KCNU1: variants seen among roughly 807,000 people sequenced by gnomAD.
KCNU1 encodes the protein potassium channel subfamily U member 1.
KCNU1 carries 93 observed loss-of-function variants against 126.8 expected under a neutral mutation model. The ratio of observed to expected loss-of-function variants is 0.73; its 90% CI spans 0.62 to 0.87. The LOEUF (loss-of-function observed/expected upper bound fraction) is 0.87. Ranked by LOEUF, KCNU1 falls within the 40% of genes least tolerant of loss-of-function variation. The probability of loss-of-function intolerance (pLI) is 0.00; values close to 1 mark genes in which losing one functional copy is unlikely to be tolerated. For synonymous variants in KCNU1, 523 were observed against 494.2 expected (o/e 1.06, Z -0.77); for missense variants, 1,330 against 1,367.1 (o/e 0.97, Z 0.43).
intron 10 of KCNU1, among the ~76,000 whole-genome samples, chr8:36,829,765 C>T (rs960354152): frequency 4.6e-5 from 7 of 151,120 alleles, no homozygotes; most frequent in Non-Finnish European, 1.0e-4. Context: ...TGGGTTTATT[C>T]ATTTATTTAG....
At chr8:36,808,166 T>G (rs1803575820) in intron 6 of KCNU1, among the ~76,000 whole-genome samples, 1 of 152,036 alleles carries the variant, frequency 6.6e-6, no homozygotes, top group Non-Finnish European at 1.5e-5. Flanking sequence ...ACCAGAGAGA[T>G]CTCAGCTAAG....
intron 19 of KCNU1, among the ~76,000 whole-genome samples, chr8:36,894,398 T>C (rs1036876187): frequency 1.3e-5 from 2 of 152,130 alleles, no homozygotes. Flanking sequence ...GCAAGAGAAG[T>C]CATTTACTAA....
At chr8:36,786,890 C>G (rs375059367) in intron 1 of KCNU1, among the ~76,000 whole-genome samples, 1 of 152,098 alleles carries the variant, frequency 6.6e-6, no homozygotes, top group Non-Finnish European at 1.5e-5. Flanking sequence ...TCACAAAATG[C>G]GGACACTTAA....
intron 18 of KCNU1, among the ~76,000 whole-genome samples, chr8:36,858,985 A>G (rs1238787628): frequency 6.6e-6 from 1 of 152,166 alleles, no homozygotes; most frequent in Non-Finnish European, 1.5e-5. Flanking sequence ...ATTCCACTCC[A>G]GCTGGAACTC....
chr8:36,814,784 T>C (rs1181601623), intron 8 of KCNU1, among the ~76,000 whole-genome samples: 1 of 152,212 alleles, frequency 6.6e-6, no homozygotes, highest in Non-Finnish European at 1.5e-5. Flanking sequence ...CATTTAACTT[T>C]AGAGATATGA....
intron 9 of KCNU1, among the ~76,000 whole-genome samples, chr8:36,816,245 A>C (rs1184769667): frequency 6.6e-6 from 1 of 152,060 alleles, no homozygotes; most frequent in African/African-American, 2.4e-5. Flanking sequence ...TGCCACAGCC[A>C]TGTGTTCCCA....
intron 2 of KCNU1, chr8:36,795,250 C>G (rs1172756842): frequency 6.6e-6 from 1 of 152,386 alleles, no homozygotes; most frequent in Non-Finnish European, 1.5e-5. Context: ...CCCCCTGGAG[C>G]CTCTATCTGC....
chr8:36,888,915 G>T (rs1341442613), intron 19 of KCNU1: 5 of 404,828 alleles, frequency 1.2e-5, no homozygotes, highest in Non-Finnish European at 2.5e-5. Context: ...GTCTCGCTCT[G>T]TCACCCAGGC....
chr8:36,908,697 A>C (rs1462595508), intron 20 of KCNU1, among the ~76,000 whole-genome samples: 1 of 152,110 alleles, frequency 6.6e-6, no homozygotes, highest in African/African-American at 2.4e-5. Flanking sequence ...TCTTGTATGC[A>C]CTTTGCGTGA....
At position 36,815,830 on chromosome 8, in the gene KCNU1, G is replaced by T. The variant is rs1803890132; in HGVS notation, c.995+143G>T. 7 of 553,358 alleles carry T rather than the reference G, an allele frequency of 1.3e-5. No individual in the cohort carries two copies. The South Asian group carries it at 1.9e-4, about 15-fold the overall frequency. 34.3% of individuals were successfully genotyped at this position (553,358 alleles called of 1,614,324 possible). A position where few individuals can be genotyped will look rare whatever the true frequency, so the allele number is the denominator to read the frequency against. On this transcript the variant is annotated intron_variant, in intron 9 of 26. Transcript: ENST00000399881. The stretch of plus-strand genomic sequence containing the variant: ...CATCCCGTATTCACTAAAAAGGACT[G>T]TGCTAAACTAAATACCGTAAGAAAA...
At chr8:36,817,441 G>A (rs1168100648) in intron 9 of KCNU1, among the ~76,000 whole-genome samples, 1 of 138,924 alleles carries the variant, frequency 7.2e-6, no homozygotes, top group African/African-American at 2.7e-5. Flanking sequence ...AGATGTTGCA[G>A]TGAGCTGAGA....
chr8:36,856,305 T>C (rs1475111509), intron 18 of KCNU1, among the ~76,000 whole-genome samples: 3 of 152,188 alleles, frequency 2.0e-5, no homozygotes, highest in Non-Finnish European at 4.4e-5. Flanking sequence ...CCCCACCCTG[T>C]GTATAGCTCA....
rs1808847938 is a variant in KCNU1, at chr8:36,936,019, T to A, written c.*99T>A. Reference sequence around the variant, plus strand: ...AGAAAATAAGAATGGAAGCATGCCATTTTTCTGCCCATTGCTTAGTGGTTC... The same window carrying A: ...AGAAAATAAGAATGGAAGCATGCCAATTTTCTGCCCATTGCTTAGTGGTTC... On this transcript the variant is annotated 3_prime_UTR_variant, in exon 27 of 27. Transcript: ENST00000399881. The A allele has an allele frequency of 8.6e-7, 1 of 1,156,850 alleles. No individual in the cohort carries two copies. Among genetic ancestry groups the A allele is most frequent in the Non-Finnish European group, 1.2e-6 (1 of 826,932 alleles). 71.7% of individuals were successfully genotyped at this position (1,156,850 alleles called of 1,614,324 possible).
intron 7 of KCNU1, among the ~76,000 whole-genome samples, chr8:36,811,749 T>A (rs1204078402): frequency 2.0e-5 from 3 of 151,484 alleles, no homozygotes; most frequent in Non-Finnish European, 4.4e-5. Context: ...CTGGCCAACA[T>A]GGCGAAACCT....
chr8:36,833,615 A>G lies in KCNU1; in HGVS notation c.1168A>G (p.Ile390Val). 1 of 1,612,512 alleles carries G rather than the reference A, an allele frequency of 6.2e-7. No individual in the cohort carries two copies. Among genetic ancestry groups the G allele is most frequent in the Non-Finnish European group, 8.5e-7 (1 of 1,178,864 alleles). ...ATGCTACTTGGCCTACACAACGTTC[A>G]TTTCTGGATCTGCAATGAAGTGGGA... Reference protein sequence around the residue: ...FKCYLAYTTFISGSAMKWEDL... With the variant: ...FKCYLAYTTFVSGSAMKWEDL... Residue 390 changes from isoleucine (I) to valine (V), a missense_variant, in exon 11 of 27, where the codon ATT becomes GTT. Coordinates refer to ENST00000399881, the MANE Select transcript of KCNU1 (RefSeq NM_001031836.3).
rs185202951 is a variant in KCNU1 at position 36,845,976 on chromosome 8, C to T, written c.1891+77C>T. 200 of 846,720 alleles carry T rather than the reference C, an allele frequency of 2.4e-4. 1 individual carries two copies. The East Asian group carries it at 5.0e-3, about 21-fold the overall frequency. The allele number at this position is 846,720 out of a possible 1,614,324, so 52.5% of individuals were successfully genotyped here. On this transcript the variant is annotated intron_variant, in intron 18 of 26. Coordinates refer to ENST00000399881, the MANE Select transcript of KCNU1 (RefSeq NM_001031836.3). ...CTGACGAAAGAGAAGAGGGTTCCAT[C>T]TCTTAAAAGGCAATGTCCATTTGAA...
At chr8:36,785,015 T>C (rs1018438005) in intron 1 of KCNU1, among the ~76,000 whole-genome samples, 1 of 152,254 alleles carries the variant, frequency 6.6e-6, no homozygotes, top group African/African-American at 2.4e-5. Context: ...AAATTGTTCA[T>C]GCATAATGCA....
chr8:36,807,308 A>G, intron 5 of KCNU1, 67 bp from the exon 6 acceptor site: 3 of 1,061,866 alleles, frequency 2.8e-6, no homozygotes, highest in Non-Finnish European at 2.9e-6. Flanking sequence ...CAATGCTGTT[A>G]TAACGTAGGC....
At chr8:36,870,011 A>C (rs10100186) in intron 19 of KCNU1, among the ~76,000 whole-genome samples, 56,639 of 151,966 alleles carry the variant, frequency 0.37, 10,879 homozygotes, top group Admixed American at 0.44. Context: ...TGCAGTAGTT[A>C]CCATTGGTAA....
Sources: allele counts gnomAD v4.1 joint callset (sites outside exome capture counted in the v4.1 genomes callset), GRCh38; gene constraint gnomAD v4.1.1; transcripts MANE v1.5; gene names NCBI Gene and HGNC (gene_info 2026-07-23, HGNC 2026-07-21).